The following NOS1AP variants were observed in gnomAD, a reference collection of about 807,000 sequenced individuals.
NOS1AP encodes the protein nitric oxide synthase 1 adaptor protein.
A neutral mutation model predicts 56.2 loss-of-function variants in NOS1AP; 21 were observed. That is an observed-to-expected ratio of 0.37 (90% CI 0.26 to 0.54). The LOEUF (loss-of-function observed/expected upper bound fraction) is 0.54, where lower values mean the gene tolerates loss of function less well. Ranked by LOEUF, NOS1AP falls within the 20% of genes least tolerant of loss-of-function variation. The probability of loss-of-function intolerance (pLI) is 0.84; values close to 1 mark genes in which losing one functional copy is unlikely to be tolerated. For synonymous variants in NOS1AP, 270 were observed against 274.6 expected (o/e 0.98, Z 0.17); for missense variants, 522 against 657.8 (o/e 0.79, Z 2.26).
rs1411193227 is a variant in NOS1AP, at chr1:162,363,713, G to C, written c.940-1691G>C. The C allele has an allele frequency of 3.7e-6, 3 of 812,752 alleles. No individual in the cohort carries two copies. In the African/African-American group the frequency reaches 5.6e-5, roughly 15 times the overall value. The allele number at this position is 812,752 out of a possible 1,614,324, so 50.3% of individuals were successfully genotyped here. On this transcript the variant is annotated intron_variant, in intron 8 of 9. Coordinates refer to ENST00000361897, the MANE Select transcript of NOS1AP (RefSeq NM_014697.3). ...ACCACTCTGGAGATCTCAAGGGTTT[G>C]GGGAGCTATATGTCAGGAAACAGGG... is the stretch of plus-strand genomic sequence containing the variant.
intron 2 of NOS1AP, among the ~76,000 whole-genome samples, chr1:162,260,932 T>C (rs1415550192): frequency 6.6e-6 from 1 of 152,130 alleles, no homozygotes; most frequent in Non-Finnish European, 1.5e-5. Flanking sequence ...TATATTGGTT[T>C]TAAATATCTT....
At chr1:162,360,172 C>G (rs6427670) in intron 8 of NOS1AP, among the ~76,000 whole-genome samples, 1 of 151,854 alleles carries the variant, frequency 6.6e-6, no homozygotes. Context: ...CAAAGGGGCC[C>G]GCCCTGACCT....
chr1:162,312,080 T>C (rs1157243468), intron 4 of NOS1AP, among the ~76,000 whole-genome samples: 3 of 150,690 alleles, frequency 2.0e-5, no homozygotes, highest in Admixed American at 6.6e-5. Context: ...TGATTTATAG[T>C]CCTTTGGGTA....
intron 4 of NOS1AP, among the ~76,000 whole-genome samples, chr1:162,322,496 A>T (rs903173503): frequency 3.3e-5 from 5 of 152,110 alleles, no homozygotes; most frequent in African/African-American, 7.2e-5. Flanking sequence ...AGAGGTATGG[A>T]GTTAGAGTCA....
At chr1:162,148,820 T>C (rs1027170514) in intron 1 of NOS1AP, among the ~76,000 whole-genome samples, 1 of 152,138 alleles carries the variant, frequency 6.6e-6, no homozygotes, top group Non-Finnish European at 1.5e-5. Flanking sequence ...GGCCATTGTA[T>C]AGACAAAGTG....
chr1:162,249,924 G>T (rs1045786063), intron 2 of NOS1AP, among the ~76,000 whole-genome samples: 3 of 152,208 alleles, frequency 2.0e-5, no homozygotes, highest in Non-Finnish European at 4.4e-5. Flanking sequence ...TGGGCCTTTT[G>T]CAGATGAGGA....
chr1:162,324,534 C>A (rs1295068688), intron 4 of NOS1AP, among the ~76,000 whole-genome samples: 1 of 142,094 alleles, frequency 7.0e-6, no homozygotes. Flanking sequence ...GTGGTTGATT[C>A]AAGTAAAGCA....
At chr1:162,186,040 CT>C (rs1374607765) in intron 2 of NOS1AP, among the ~76,000 whole-genome samples, 3 of 152,182 alleles carry the variant, frequency 2.0e-5, no homozygotes, top group Admixed American at 6.5e-5. Context: ...CTTTGCTTAA[CT>C]TTTGTTTACT....
chr1:162,124,061 A>G (rs1412054196), intron 1 of NOS1AP, among the ~76,000 whole-genome samples: 3 of 152,152 alleles, frequency 2.0e-5, no homozygotes, highest in Non-Finnish European at 4.4e-5. Flanking sequence ...TAATACATCT[A>G]GTTGTTATAT....
chr1:162,148,279 TG>T (rs1461595406), intron 1 of NOS1AP, among the ~76,000 whole-genome samples: 1 of 152,178 alleles, frequency 6.6e-6, no homozygotes, highest in African/African-American at 2.4e-5. Context: ...CTCAGTCAAA[TG>T]TATTTTGAGC....
chr1:162,220,475 C>A (rs938674620), intron 2 of NOS1AP, among the ~76,000 whole-genome samples: 2 of 152,080 alleles, frequency 1.3e-5, no homozygotes, highest in African/African-American at 4.8e-5. Context: ...CAGCCAAACT[C>A]ATGGAAGTGC....
intron 2 of NOS1AP, among the ~76,000 whole-genome samples, chr1:162,163,903 G>A (rs1650349681): frequency 6.6e-6 from 1 of 152,162 alleles, no homozygotes; most frequent in South Asian, 2.1e-4. Context: ...CACTCAGTAG[G>A]AGGAGTTTGG....
chr1:162,123,640 T>C (rs1648344828), intron 1 of NOS1AP, among the ~76,000 whole-genome samples: 1 of 152,266 alleles, frequency 6.6e-6, no homozygotes, highest in Non-Finnish European at 1.5e-5. Context: ...CTATTCTGTG[T>C]ATTTGAAATT....
At chr1:162,146,249 A>G (rs1048007083) in intron 1 of NOS1AP, among the ~76,000 whole-genome samples, 1 of 152,158 alleles carries the variant, frequency 6.6e-6, no homozygotes, top group African/African-American at 2.4e-5. Context: ...CTTGTTCTTA[A>G]TGATAGTTAA....
At chr1:162,236,975 A>G (rs186963703) in intron 2 of NOS1AP, among the ~76,000 whole-genome samples, 2 of 152,306 alleles carry the variant, frequency 1.3e-5, no homozygotes, top group Admixed American at 1.3e-4. Flanking sequence ...GATAACCCCC[A>G]GCTCTCCTGG....
At chr1:162,074,150 G>A (rs957311312) in intron 1 of NOS1AP, among the ~76,000 whole-genome samples, 2 of 152,122 alleles carry the variant, frequency 1.3e-5, no homozygotes, top group Non-Finnish European at 2.9e-5. Flanking sequence ...GTGTTATCTC[G>A]ATTTTTCAGA....
At position 162,307,290 on chromosome 1, in the gene NOS1AP, G is replaced by C. The variant is rs1435773092; in HGVS notation, c.344+6584G>C. Among the ~76,000 whole-genome samples, 6 of 152,146 alleles carry C rather than the reference G, an allele frequency of 3.9e-5. No individual in the cohort carries two copies. The East Asian group carries it at 1.2e-3, about 29-fold the overall frequency. On this transcript the variant is annotated intron_variant, in intron 4 of 9. Coordinates refer to ENST00000361897, the MANE Select transcript of NOS1AP (RefSeq NM_014697.3). ...GTTTGACTAAATTAGTCCCTAGGCT[G>C]TTTATGTTCCTTGAAATGAGTGAAT... is the stretch of plus-strand genomic sequence containing the variant.
chr1:162,243,439 A>AT (rs1209253886), intron 2 of NOS1AP, among the ~76,000 whole-genome samples: 2 of 152,172 alleles, frequency 1.3e-5, no homozygotes, highest in Non-Finnish European at 2.9e-5. Context: ...AAGAAAAAAA[A>AT]CAAGGAAGAG....
intron 2 of NOS1AP, among the ~76,000 whole-genome samples, chr1:162,265,460 T>C (rs1654393722): frequency 6.7e-6 from 1 of 149,438 alleles, no homozygotes; most frequent in Admixed American, 6.7e-5. Context: ...TTCCCATCTA[T>C]GAGTGAGAAC....
Sources: gnomAD v4.1 joint callset for allele counts (sites outside exome capture counted in the v4.1 genomes callset) on GRCh38, gnomAD v4.1.1 for gene constraint, MANE v1.5 for transcripts, NCBI Gene and HGNC (gene_info 2026-07-23, HGNC 2026-07-21) for gene names.